Variants in FSHR observed in about 807,000 individuals in gnomAD.
FSHR encodes follicle-stimulating hormone receptor.
Under a neutral mutation model 52.1 loss-of-function variants are expected in FSHR, and 46 were observed. The ratio of observed to expected loss-of-function variants is 0.88; its 90% CI spans 0.70 to 1.13. The LOEUF (loss-of-function observed/expected upper bound fraction) is 1.13, where lower values mean the gene tolerates loss of function less well. FSHR is among the 50% of genes most tolerant of loss of function. FSHR has a pLI of 0.00. For missense variants in FSHR, 964 were observed against 834.6 expected, an observed-to-expected ratio of 1.16 and a Z score of -1.91; for synonymous variants, 399 against 309.6, an observed-to-expected ratio of 1.29 and a Z score of -3.03.
intron 1 of FSHR, among the ~76,000 whole-genome samples, chr2:49,070,740 T>C (rs1195038715): frequency 6.6e-6 from 1 of 152,204 alleles, no homozygotes; most frequent in Non-Finnish European, 1.5e-5. Context: ...CATAATTAAA[T>C]ATTTTTGATG....
intron 2 of FSHR, among the ~76,000 whole-genome samples, chr2:49,041,999 T>G (rs1668494009): frequency 6.6e-6 from 1 of 151,928 alleles, no homozygotes; most frequent in African/African-American, 2.4e-5. Flanking sequence ...CAAAAACTAG[T>G]TGTGTGCGGT....
intron 2 of FSHR, among the ~76,000 whole-genome samples, chr2:49,020,572 C>T (rs1353944552): frequency 6.6e-6 from 1 of 150,460 alleles, no homozygotes; most frequent in African/African-American, 2.5e-5. Context: ...GGTATTTGGT[C>T]TCTATCACAA....
At chr2:49,115,857 G>C (rs535253989) in intron 1 of FSHR, among the ~76,000 whole-genome samples, 1 of 152,252 alleles carries the variant, frequency 6.6e-6, no homozygotes, top group East Asian at 1.9e-4. Context: ...AGGGGCAAGA[G>C]GGAATACTGC....
intron 2 of FSHR, among the ~76,000 whole-genome samples, chr2:49,036,538 G>A (rs1037624448): frequency 1.3e-5 from 2 of 151,406 alleles, no homozygotes; most frequent in African/African-American, 4.9e-5. Context: ...TAAATACATA[G>A]GGCACAGTCA....
At chr2:49,013,573 C>T (rs1289485462) in intron 4 of FSHR, among the ~76,000 whole-genome samples, 2 of 143,036 alleles carry the variant, frequency 1.4e-5, no homozygotes, top group African/African-American at 5.2e-5. Flanking sequence ...TTATTTATTG[C>T]AGGTAGAAGT....
chr2:49,096,199 A>G (rs1438068222), intron 1 of FSHR, among the ~76,000 whole-genome samples: 1 of 152,218 alleles, frequency 6.6e-6, no homozygotes, highest in Non-Finnish European at 1.5e-5. Flanking sequence ...TCAAAATTTG[A>G]AAACACCCAA....
intron 4 of FSHR, among the ~76,000 whole-genome samples, chr2:49,004,565 G>T (rs951758621): frequency 6.6e-6 from 1 of 152,196 alleles, no homozygotes; most frequent in Admixed American, 6.5e-5. Context: ...TTCAGGGCTA[G>T]AGTAGATCTT....
chr2:49,054,489 C>T (rs1668982434), intron 2 of FSHR, among the ~76,000 whole-genome samples: 1 of 152,186 alleles, frequency 6.6e-6, no homozygotes, highest in South Asian at 2.1e-4. Flanking sequence ...GACATACCCC[C>T]AGGCCAGCCA....
At chr2:49,000,300 G>T (rs1414099422) in intron 4 of FSHR, among the ~76,000 whole-genome samples, 3 of 152,054 alleles carry the variant, frequency 2.0e-5, no homozygotes, top group African/African-American at 2.4e-5. Flanking sequence ...ACCAGATTAG[G>T]GTAAAAAGAA....
In FSHR at chr2:49,129,654, C is replaced by T. The variant is rs1183159295; in HGVS notation, c.152+24612G>A. 2.0e-5 allele frequency among the ~76,000 whole-genome samples: 3 copies of T among 152,260 alleles called. No homozygotes were observed. In the South Asian group the frequency reaches 6.2e-4, roughly 32 times the overall value. ...CCATCACTGACTGGGGGCTCCAAAT[C>T]TCAAGATACTAACTGAACATTTTCA... On this transcript the variant is annotated intron_variant, in intron 1 of 9. Transcript: ENST00000406846.
intron 8 of FSHR, among the ~76,000 whole-genome samples, chr2:48,971,483 C>T (rs1674738188): frequency 6.6e-6 from 1 of 152,170 alleles, no homozygotes; most frequent in South Asian, 2.1e-4. Flanking sequence ...GTAGTGGTTA[C>T]TATTGCCAAT....
chr2:49,051,601 T>C (rs548785655), intron 2 of FSHR, among the ~76,000 whole-genome samples: 2 of 152,246 alleles, frequency 1.3e-5, no homozygotes, highest in African/African-American at 4.8e-5. Flanking sequence ...TTTTCAGATA[T>C]ATGTATTGCA....
rs1558456647 is a variant in FSHR at position 49,127,828 on chromosome 2, TC to T, written c.152+26437del. Reference sequence around the variant, plus strand: ...TTCTTCTTCTTCTTCTTCTTCTTCTTCCTCTTCTTCTTCTTCTTCTTCTTCT... The same window carrying T: ...TTCTTCTTCTTCTTCTTCTTCTTCTTCTCTTCTTCTTCTTCTTCTTCTTCT... On this transcript the variant is annotated intron_variant, in intron 1 of 9. Transcript: ENST00000406846. 2.1e-3 allele frequency among the ~76,000 whole-genome samples: 113 copies of T among 55,000 alleles called. 5 individuals are homozygous for T. Among genetic ancestry groups the T allele is most frequent in the African/African-American group, 7.8e-3 (94 of 12,038 alleles). The allele number at this position is 55,000 out of a possible 152,430, so 36.1% of individuals were successfully genotyped here.
intron 9 of FSHR, among the ~76,000 whole-genome samples, chr2:48,966,018 C>A (rs573253502): frequency 6.6e-6 from 1 of 152,240 alleles, no homozygotes; most frequent in African/African-American, 2.4e-5. Flanking sequence ...AGAGCCTAAG[C>A]TTTGGAGGCA....
rs768434973 is a variant in FSHR, at chr2:49,154,451, A to G, written c.-34T>C. The G allele has an allele frequency of 6.2e-7, 1 of 1,610,440 alleles. No homozygotes were observed. Among genetic ancestry groups the G allele is most frequent in the African/African-American group, 1.3e-5 (1 of 74,860 alleles). On this transcript the variant is annotated 5_prime_UTR_variant, in exon 1 of 10. An upstream start codon of the reference 5' UTR is lost. Transcript: ENST00000406846. ...ATCCATCCACCTGATTTCTTCCTGC[A>G]TTTGCAGAGAAAAACCTCCACAGAT...
chr2:49,042,968 A>C (rs1668529688), intron 2 of FSHR, among the ~76,000 whole-genome samples: 1 of 152,192 alleles, frequency 6.6e-6, no homozygotes, highest in Non-Finnish European at 1.5e-5. Context: ...AAAAGGAAGA[A>C]TATAGCAGAT....
intron 8 of FSHR, among the ~76,000 whole-genome samples, chr2:48,976,840 AT>A (rs1675012657): frequency 6.6e-6 from 1 of 152,004 alleles, no homozygotes; most frequent in African/African-American, 2.4e-5. Context: ...CTCCTTTATC[AT>A]TTTTTATTGT....
chr2:49,048,577 C>T (rs1405197894), intron 2 of FSHR, among the ~76,000 whole-genome samples: 2 of 152,194 alleles, frequency 1.3e-5, no homozygotes, highest in Non-Finnish European at 2.9e-5. Flanking sequence ...TGCTCACGTC[C>T]AAGTGCATAT....
chr2:49,137,336 G>A (rs1037281213), intron 1 of FSHR, among the ~76,000 whole-genome samples: 1 of 151,968 alleles, frequency 6.6e-6, no homozygotes, highest in African/African-American at 2.4e-5. Context: ...AATAATTATT[G>A]AAAGAAAATT....
Sources: allele counts gnomAD v4.1 joint callset (sites outside exome capture counted in the v4.1 genomes callset), GRCh38; gene constraint gnomAD v4.1.1; transcripts MANE v1.5; gene names NCBI Gene and HGNC (gene_info 2026-07-23, HGNC 2026-07-21).